CCDC170: variants seen among roughly 807,000 people sequenced by gnomAD.
CCDC170 encodes the protein coiled-coil domain-containing protein 170.
A neutral mutation model predicts 72.6 loss-of-function variants in CCDC170; 69 were observed. The ratio of observed to expected loss-of-function variants is 0.95; its 90% CI spans 0.78 to 1.16. The LOEUF is 1.16. Among genes scored for constraint, CCDC170 ranks in the 50% most tolerant of loss-of-function variants. CCDC170 has a pLI of 0.00. For missense variants in CCDC170, 852 were observed against 832.5 expected, an observed-to-expected ratio of 1.02 and a Z score of -0.29; for synonymous variants, 300 against 303.9, an observed-to-expected ratio of 0.99 and a Z score of 0.13.
chr6:151,494,180 C>T lies in CCDC170; in HGVS notation c.52C>T (p.Pro18Ser), dbSNP rs1414482209. ...HIALGAASPA[P>S]EETYDHLSEV... ...CGCGCTGGGTGCCGCTTCGCCAGCG[C>T]CCGAGGTACGGTCCCAGCCGCCGGC... is the stretch of plus-strand genomic sequence containing the variant. Residue 18 changes from proline to serine, a missense_variant, in exon 1 of 11, where the codon CCC (proline) becomes TCC (serine). Coordinates refer to ENST00000239374, the MANE Select transcript of CCDC170 (RefSeq NM_025059.4). 6.6e-7 allele frequency: 1 copy of T among 1,515,382 alleles called. No homozygotes were observed. The highest frequency in any genetic ancestry group is 1.2e-5 in the South Asian group (1 of 80,994). The allele number at this position is 1,515,382 out of a possible 1,614,324, so 93.9% of individuals were successfully genotyped here.
intron 1 of CCDC170, among the ~76,000 whole-genome samples, chr6:151,522,435 C>T (rs952490921): frequency 6.6e-6 from 1 of 152,148 alleles, no homozygotes; most frequent in South Asian, 2.1e-4. Context: ...ATGACCTACT[C>T]CACCCTGACT....
chr6:151,537,496 C>T (rs2115047227), intron 2 of CCDC170, among the ~76,000 whole-genome samples: 1 of 152,244 alleles, frequency 6.6e-6, no homozygotes, highest in East Asian at 1.9e-4. Context: ...TTAAAATGTT[C>T]TCTTTATATA....
intron 1 of CCDC170, among the ~76,000 whole-genome samples, chr6:151,495,293 G>GTTT (rs1477316201): frequency 6.6e-6 from 1 of 152,002 alleles, no homozygotes; most frequent in Non-Finnish European, 1.5e-5. Flanking sequence ...GTTACTAGAT[G>GTTT]TTTTTTCTTT....
intron 3 of CCDC170, among the ~76,000 whole-genome samples, chr6:151,541,710 A>G (rs1782693309): frequency 6.6e-6 from 1 of 151,174 alleles, no homozygotes; most frequent in South Asian, 2.1e-4. Context: ...TGATTATAGA[A>G]AAGCTATAAT....
chr6:151,591,790 T>C (rs896494494), intron 7 of CCDC170, among the ~76,000 whole-genome samples: 2 of 151,990 alleles, frequency 1.3e-5, no homozygotes, highest in East Asian at 1.9e-4. Flanking sequence ...CCACCGCACC[T>C]GGCCCTGCAT....
At chr6:151,502,307 T>G (rs1782003973) in intron 1 of CCDC170, among the ~76,000 whole-genome samples, 1 of 152,166 alleles carries the variant, frequency 6.6e-6, no homozygotes, top group Non-Finnish European at 1.5e-5. Flanking sequence ...TAGTAAATAA[T>G]AAATCAATAA....
At chr6:151,552,346 G>C (rs1782893693) in intron 5 of CCDC170, among the ~76,000 whole-genome samples, 1 of 152,068 alleles carries the variant, frequency 6.6e-6, no homozygotes, top group African/African-American at 2.4e-5. Flanking sequence ...AGTTTCTATG[G>C]GGTGATCATT....
chr6:151,590,401 G>A (rs973231909), intron 7 of CCDC170, among the ~76,000 whole-genome samples: 1 of 152,108 alleles, frequency 6.6e-6, no homozygotes, highest in African/African-American at 2.4e-5. Flanking sequence ...TTTTAATTGG[G>A]ATTATGTTCA....
At chr6:151,588,730 C>G (rs1404672124) in intron 7 of CCDC170, among the ~76,000 whole-genome samples, 1 of 152,094 alleles carries the variant, frequency 6.6e-6, no homozygotes, top group Non-Finnish European at 1.5e-5. Flanking sequence ...CGCTTGAGCT[C>G]TGGAGTTCAA....
chr6:151,588,135 G>C (rs967984556), intron 7 of CCDC170, among the ~76,000 whole-genome samples: 5 of 152,162 alleles, frequency 3.3e-5, no homozygotes, highest in Non-Finnish European at 5.9e-5. Flanking sequence ...GTAGGTAATG[G>C]GAAGCCAGAG....
chr6:151,593,393 TA>T lies in CCDC170; in HGVS notation c.1467+118del, dbSNP rs1776573983. On this transcript the variant is annotated intron_variant, in intron 8 of 10. Transcript: ENST00000239374. ...ACCAGTGTAGCTAGGAAGGCTCTTA[TA>T]AAAATATGTATTTAGAATTGGAGGC... 3.7e-6 allele frequency: 4 copies of T among 1,085,378 alleles called. No homozygotes were observed. In the Admixed American group the frequency reaches 1.1e-4, roughly 29 times the overall value. 67.2% of individuals were successfully genotyped at this position (1,085,378 alleles called of 1,614,324 possible).
intron 5 of CCDC170, among the ~76,000 whole-genome samples, chr6:151,563,635 A>G (rs548616093): frequency 6.6e-6 from 1 of 152,224 alleles, no homozygotes; most frequent in South Asian, 2.1e-4. Context: ...CCACAGTCTC[A>G]GCTCAGGTGT....
At chr6:151,525,737 G>C (rs978929195) in intron 1 of CCDC170, among the ~76,000 whole-genome samples, 1 of 152,130 alleles carries the variant, frequency 6.6e-6, no homozygotes, top group South Asian at 2.1e-4. Flanking sequence ...AAGCCTGTTG[G>C]GTGGTCTCTT....
At chr6:151,516,401 T>C (rs1782236318) in intron 1 of CCDC170, among the ~76,000 whole-genome samples, 1 of 152,138 alleles carries the variant, frequency 6.6e-6, no homozygotes, top group African/African-American at 2.4e-5. Flanking sequence ...TTATTTTTAG[T>C]TGATAGATTG....
At chr6:151,536,069 T>G (rs559727500) in intron 1 of CCDC170, among the ~76,000 whole-genome samples, 1 of 152,296 alleles carries the variant, frequency 6.6e-6, no homozygotes, top group Admixed American at 6.5e-5. Context: ...CATAGGCCAA[T>G]TCTTAAATGA....
chr6:151,582,605 A>G (rs1776394243), intron 6 of CCDC170, among the ~76,000 whole-genome samples: 1 of 152,164 alleles, frequency 6.6e-6, no homozygotes, highest in African/African-American at 2.4e-5. Flanking sequence ...TGAGTAATTG[A>G]TAAAGAAAAG....
intron 6 of CCDC170, 80 bp downstream of exon 6, chr6:151,573,571 C>A: frequency 1.5e-6 from 2 of 1,310,584 alleles, no homozygotes; most frequent in Non-Finnish European, 2.1e-6. Context: ...CTGTATTAGT[C>A]TATTCTCACG....
intron 3 of CCDC170, among the ~76,000 whole-genome samples, chr6:151,542,193 A>T (rs1782702076): frequency 1.3e-5 from 2 of 151,796 alleles, no homozygotes; most frequent in Admixed American, 6.6e-5. Context: ...TGTTATAAAT[A>T]TTTTAAAAAC....
intron 9 of CCDC170, among the ~76,000 whole-genome samples, chr6:151,598,272 C>T (rs1776654161): frequency 6.6e-6 from 1 of 152,176 alleles, no homozygotes; most frequent in Non-Finnish European, 1.5e-5. Context: ...GCATCAGCTG[C>T]TCTAATCCTG....
Sources: gnomAD v4.1 joint callset for allele counts (sites outside exome capture counted in the v4.1 genomes callset) on GRCh38, gnomAD v4.1.1 for gene constraint, MANE v1.5 for transcripts, NCBI Gene and HGNC (gene_info 2026-07-23, HGNC 2026-07-21) for gene names.